ABL1: variants seen among roughly 807,000 people sequenced by gnomAD.
The protein encoded by ABL1 is tyrosine-protein kinase ABL1.
A neutral mutation model predicts 94.7 loss-of-function variants in ABL1; 11 were observed. That is an observed-to-expected ratio of 0.12 (90% CI 0.07 to 0.19). The LOEUF (loss-of-function observed/expected upper bound fraction) is 0.19. Ranked by LOEUF, ABL1 falls within the 10% of genes least tolerant of loss-of-function variation. The probability of loss-of-function intolerance (pLI) is 1.00; values close to 1 mark genes in which losing one functional copy is unlikely to be tolerated. For missense variants in ABL1, 1,082 were observed against 1,489.4 expected (o/e 0.73, Z 4.50); for synonymous variants, 656 against 622.4 (o/e 1.05, Z -0.80).
At chr9:130,721,146 A>G (rs1414025538) in intron 1 of ABL1, among the ~76,000 whole-genome samples, 1 of 152,182 alleles carries the variant, frequency 6.6e-6, no homozygotes, top group East Asian at 1.9e-4. Flanking sequence ...TAGGAGGCCA[A>G]GGCGGGCGGA....
intron 1 of ABL1, among the ~76,000 whole-genome samples, chr9:130,817,345 T>C (rs543520921): frequency 6.7e-4 from 102 of 152,380 alleles, no homozygotes; most frequent in Middle Eastern, 3.4e-3. Context: ...ATATTTGCCC[T>C]GGCATGCTTA....
intron 1 of ABL1, among the ~76,000 whole-genome samples, chr9:130,842,011 A>G (rs1052287670): frequency 4.0e-5 from 6 of 151,590 alleles, no homozygotes; most frequent in East Asian, 1.9e-4. Flanking sequence ...AGAGACAAAT[A>G]CAAAAAGGTT....
rs930016996 is a variant in ABL1, at chr9:130,872,286, C to T, written c.907+73C>T. 87 of 1,402,978 alleles carry T rather than the reference C, an allele frequency of 6.2e-5. No homozygotes were observed. Among genetic ancestry groups the T allele is most frequent in the Non-Finnish European group, 7.3e-5 (74 of 1,009,188 alleles). 86.9% of individuals were successfully genotyped at this position (1,402,978 alleles called of 1,614,324 possible). ...AGGGTGACACAGGCGCTGGGGAAGA[C>T]GCACGGGCGGCTCACTGCACAAAAC... is the stretch of plus-strand genomic sequence containing the variant. On this transcript the variant is annotated intron_variant, in intron 5 of 10. Coordinates refer to ENST00000318560, the MANE Select transcript of ABL1 (RefSeq NM_005157.6). This position sits in a 1 kb window ranked among gnomAD's most constrained non-coding sequence, Gnocchi z 5.0.
chr9:130,748,004 C>T lies in ABL1; in HGVS notation c.136+33549C>T, dbSNP rs557427063. Among the ~76,000 whole-genome samples the T allele has an allele frequency of 6.3e-4, 96 of 152,264 alleles. No homozygotes were observed. In the Middle Eastern group the frequency reaches 0.01, roughly 16 times the overall value. On this transcript the variant is annotated intron_variant, in intron 1 of 10. Transcript: ENST00000372348. ...GTTTTACAGAGTGGCAGTCATTTCA[C>T]GTTCCTACCAGCACCCTTGAACGCC...
At chr9:130,768,361 G>C (rs1588231765) in intron 1 of ABL1, among the ~76,000 whole-genome samples, 1 of 152,234 alleles carries the variant, frequency 6.6e-6, no homozygotes, top group African/African-American at 2.4e-5. Flanking sequence ...GCGTATGGAA[G>C]ACTGTCACTG....
chr9:130,754,275 G>A (rs1226029963), intron 1 of ABL1, among the ~76,000 whole-genome samples: 1 of 151,028 alleles, frequency 6.6e-6, no homozygotes, highest in Non-Finnish European at 1.5e-5. Flanking sequence ...TTGGGAGGCC[G>A]AGGCGGGTGG....
At chr9:130,735,566 G>A (rs1027024142) in intron 1 of ABL1, among the ~76,000 whole-genome samples, 7 of 151,054 alleles carry the variant, frequency 4.6e-5, no homozygotes, top group African/African-American at 1.5e-4. Context: ...AGTATATACC[G>A]TTCTGTACCT....
chr9:130,804,991 A>G (rs956909484), intron 1 of ABL1, among the ~76,000 whole-genome samples: 1 of 152,236 alleles, frequency 6.6e-6, no homozygotes, highest in Non-Finnish European at 1.5e-5. Context: ...ATCTCCTCAT[A>G]AGGTTTTCTT....
chr9:130,769,327 G>GTTTTTTTTTT (rs1234290296), intron 1 of ABL1, among the ~76,000 whole-genome samples: 1 of 112,912 alleles, frequency 8.9e-6, no homozygotes, highest in African/African-American at 3.4e-5. Context: ...TATGGCCCTA[G>GTTTTTTTTTT]TCTTTTTTTT....
chr9:130,730,185 G>A (rs925783212), intron 1 of ABL1, among the ~76,000 whole-genome samples: 1 of 151,704 alleles, frequency 6.6e-6, no homozygotes. Flanking sequence ...CTGGAATATG[G>A]ACATGTGCCA....
chr9:130,790,761 ACT>A lies in ABL1; in HGVS notation c.137-63302_137-63301del, dbSNP rs929373604. 6.6e-4 allele frequency among the ~76,000 whole-genome samples: 100 copies of A among 152,062 alleles called. 1 individual carries two copies. The highest frequency in any genetic ancestry group is 2.4e-3 in the African/African-American group (99 of 41,382). Reference sequence around the variant, plus strand: ...AGTGCTGGGATTACAAGCATGAGCCACTGTGTCGGGCCAGCATTCCACTTTGA... The same window carrying A: ...AGTGCTGGGATTACAAGCATGAGCCAGTGTCGGGCCAGCATTCCACTTTGA... On this transcript the variant is annotated intron_variant, in intron 1 of 10. Transcript: ENST00000372348.
chr9:130,813,039 C>T (rs1830230664), intron 1 of ABL1, among the ~76,000 whole-genome samples: 1 of 151,616 alleles, frequency 6.6e-6, no homozygotes, highest in South Asian at 2.1e-4. Flanking sequence ...CGTGGTGAAA[C>T]CCCGTCTCTA....
At position 130,877,501 on chromosome 9, in the gene ABL1, G is replaced by T. The variant is rs560038714; in HGVS notation, c.1271-914G>T. ...TTAACATGGCCAGCTGACTTCCGGC[G>T]CCAGGTTCCTTCTACCACATATCCC... On this transcript the variant is annotated intron_variant, in intron 7 of 10. Coordinates refer to ENST00000318560, the MANE Select transcript of ABL1 (RefSeq NM_005157.6). 6.8e-5 allele frequency among the ~76,000 whole-genome samples: 10 copies of T among 147,822 alleles called. 3 individuals carry two copies. The highest frequency in any genetic ancestry group is 2.6e-4 in the African/African-American group (10 of 38,600).
In ABL1 at chr9:130,863,754, C is replaced by CA. The variant is rs1188643738; in HGVS notation, c.822+723dup. Among the ~76,000 whole-genome samples, 1 of 152,192 alleles carries CA rather than the reference C, an allele frequency of 6.6e-6. No individual in the cohort carries two copies. Among genetic ancestry groups the CA allele is most frequent in the African/African-American group, 2.4e-5 (1 of 41,444 alleles). On this transcript the variant is annotated intron_variant, in intron 4 of 10. Transcript: ENST00000318560. The surrounding 1 kb of genome is among the most constrained non-coding windows in gnomAD (Gnocchi z 4.3). The stretch of plus-strand genomic sequence containing the variant: ...TTCATTTTCAGCCCTTTGCATTCTT[C>CA]AAAATGTGATCCAGGCTTTTCCCTG...
intron 1 of ABL1, among the ~76,000 whole-genome samples, chr9:130,763,069 A>G (rs921627277): frequency 6.6e-6 from 1 of 152,112 alleles, no homozygotes; most frequent in Admixed American, 6.5e-5. Context: ...GCATCGCTTC[A>G]TGTATCATTG....
At chr9:130,732,053 T>C (rs1708211100) in intron 1 of ABL1, among the ~76,000 whole-genome samples, 1 of 152,104 alleles carries the variant, frequency 6.6e-6, no homozygotes, top group African/African-American at 2.4e-5. Context: ...TCTTTGACAC[T>C]CAGTACTTGT....
In ABL1 at chr9:130,784,858, A is replaced by G. The variant is rs1054770209; in HGVS notation, c.137-69206A>G. Among the ~76,000 whole-genome samples, 4 of 152,160 alleles carry G rather than the reference A, an allele frequency of 2.6e-5. No individual in the cohort carries two copies. The East Asian group carries it at 5.8e-4, about 22-fold the overall frequency. On this transcript the variant is annotated intron_variant, in intron 1 of 10. Transcript: ENST00000372348. ...TAAAACCGAGATGCTTCCCCTGCATAAGGCCATGCAACACGGCCATTTTAT... is the reference window on the plus strand; with the variant it reads ...TAAAACCGAGATGCTTCCCCTGCATGAGGCCATGCAACACGGCCATTTTAT...
intron 1 of ABL1, among the ~76,000 whole-genome samples, chr9:130,739,786 C>T (rs1052917574): frequency 6.6e-6 from 1 of 152,152 alleles, no homozygotes; most frequent in African/African-American, 2.4e-5. Context: ...CAGTGGCTCA[C>T]GCTGCAATTT....
chr9:130,887,351 G>A lies in ABL1; in HGVS notation c.*1668G>A, dbSNP rs372633613. 7.5e-4 allele frequency: 176 copies of A among 233,238 alleles called. No homozygotes were observed. The highest frequency in any genetic ancestry group is 1.2e-3 in the Non-Finnish European group (140 of 118,082). The allele number at this position is 233,238 out of a possible 1,614,324, so 14.4% of individuals were successfully genotyped here. ...CAGCCGGAGGGAGGCACTAGTCACC[G>A]ACAGCGGCCTTGAAGACAGAGCAAA... On this transcript the variant is annotated 3_prime_UTR_variant, in exon 11 of 11. Transcript: ENST00000318560.
Sources: gnomAD v4.1 joint callset for allele counts (sites outside exome capture counted in the v4.1 genomes callset) on GRCh38, gnomAD v4.1.1 for gene constraint, Gnocchi (gnomAD v3.1) non-coding constraint, MANE v1.5 for transcripts, NCBI Gene and HGNC (gene_info 2026-07-23, HGNC 2026-07-21) for gene names.